Variants in CSMD1 observed in about 807,000 individuals in gnomAD.
The protein encoded by CSMD1 is CUB and sushi domain-containing protein 1.
CSMD1 carries 213 observed loss-of-function variants against 417.5 expected under a neutral mutation model. That is an observed-to-expected ratio of 0.51 (90% CI 0.46 to 0.57). CSMD1 has a LOEUF of 0.57. Ranked by LOEUF, CSMD1 falls within the 20% of genes least tolerant of loss-of-function variation. The pLI is 0.00. For synonymous variants in CSMD1, 2,862 were observed against 1,736.8 expected, an observed-to-expected ratio of 1.65 and a Z score of -16.11; for missense variants, 6,923 against 4,529.7, an observed-to-expected ratio of 1.53 and a Z score of -15.17.
intron 54 of CSMD1, among the ~76,000 whole-genome samples, chr8:2,983,926 A>G (rs1458146006): frequency 1.3e-5 from 2 of 152,214 alleles, no homozygotes; most frequent in African/African-American, 4.8e-5. Context: ...GCTAAATGCT[A>G]TGGGCTAAGC....
At chr8:4,181,659 G>A (rs1236041197) in intron 3 of CSMD1, among the ~76,000 whole-genome samples, 2 of 152,036 alleles carry the variant, frequency 1.3e-5, no homozygotes, top group South Asian at 2.1e-4. Flanking sequence ...AGTTATAGAT[G>A]ATCAGAATAA....
At chr8:3,077,420 A>G (rs144844812) in intron 49 of CSMD1, among the ~76,000 whole-genome samples, 95 of 152,278 alleles carry the variant, frequency 6.2e-4, no homozygotes, top group African/African-American at 2.2e-3. Context: ...CAAAGCACAC[A>G]CTGTCTGCAT....
chr8:4,817,871 T>C (rs4875388), intron 1 of CSMD1, among the ~76,000 whole-genome samples: 37,691 of 152,124 alleles, frequency 0.25, 4,856 homozygotes, highest in East Asian at 0.29. Context: ...AATGATATGA[T>C]AGAGTTTCAG....
intron 2 of CSMD1, among the ~76,000 whole-genome samples, chr8:4,579,198 T>TTGCTCTGAC (rs1296464394): frequency 6.6e-6 from 1 of 151,942 alleles, no homozygotes; most frequent in Non-Finnish European, 1.5e-5. Flanking sequence ...TCAGGTGTGG[T>TTGCTCTGAC]TGCTCTGACG....
At chr8:4,069,830 G>T (rs560299624) in intron 3 of CSMD1, among the ~76,000 whole-genome samples, 3 of 152,084 alleles carry the variant, frequency 2.0e-5, no homozygotes, top group Admixed American at 6.5e-5. Context: ...AAAGAATATC[G>T]AAATGAAGAC....
intron 41 of CSMD1, among the ~76,000 whole-genome samples, chr8:3,141,909 T>C (rs1165744710): frequency 2.0e-5 from 3 of 151,824 alleles, no homozygotes; most frequent in African/African-American, 4.8e-5. Flanking sequence ...GCCACTCTCC[T>C]GCCTCAGCCT....
intron 12 of CSMD1, among the ~76,000 whole-genome samples, chr8:3,416,259 C>T (rs138905356): frequency 1.3e-3 from 176 of 134,406 alleles, no homozygotes; most frequent in Non-Finnish European, 1.8e-3. Flanking sequence ...ACCGGGACTG[C>T]GCAACTGCAC....
intron 23 of CSMD1, among the ~76,000 whole-genome samples, chr8:3,317,001 G>T (rs894335): frequency 1.4e-4 from 21 of 152,008 alleles, no homozygotes; most frequent in African/African-American, 5.1e-4. Context: ...GAGTGTGTGC[G>T]TGGATGAAGC....
intron 3 of CSMD1, among the ~76,000 whole-genome samples, chr8:4,309,015 A>T (rs1798411036): frequency 6.6e-6 from 1 of 152,162 alleles, no homozygotes; most frequent in Non-Finnish European, 1.5e-5. Flanking sequence ...AAAATGCATA[A>T]CAGCAAATGA....
chr8:3,061,846 T>C (rs187026565), intron 49 of CSMD1, among the ~76,000 whole-genome samples: 17 of 152,324 alleles, frequency 1.1e-4, no homozygotes, highest in African/African-American at 3.1e-4. Flanking sequence ...CTATTTTTTT[T>C]ATTACTTGTA....
intron 25 of CSMD1, among the ~76,000 whole-genome samples, chr8:3,295,561 A>G (rs543318443): frequency 1.3e-5 from 2 of 152,114 alleles, no homozygotes; most frequent in Non-Finnish European, 2.9e-5. Flanking sequence ...CTACATTTTA[A>G]TTTTGACACG....
At chr8:4,424,572 G>A (rs80114845) in intron 2 of CSMD1, among the ~76,000 whole-genome samples, 2,233 of 152,138 alleles carry the variant, frequency 0.015, 49 homozygotes, top group African/African-American at 0.05. Flanking sequence ...AGAACGTGGA[G>A]AAAATTGGTT....
chr8:3,282,279 G>T (rs1424736563), intron 26 of CSMD1, among the ~76,000 whole-genome samples: 1 of 152,092 alleles, frequency 6.6e-6, no homozygotes, highest in Non-Finnish European at 1.5e-5. Flanking sequence ...TGGGGATGTT[G>T]ACAGGGAGGA....
chr8:3,770,959 A>T (rs1798536823), intron 5 of CSMD1, among the ~76,000 whole-genome samples: 2 of 152,104 alleles, frequency 1.3e-5, no homozygotes, highest in African/African-American at 4.8e-5. Context: ...AGGTAAGCAG[A>T]AATTGCCCAG....
chr8:3,722,425 C>T (rs972648225), intron 6 of CSMD1, among the ~76,000 whole-genome samples: 1 of 152,196 alleles, frequency 6.6e-6, no homozygotes, highest in Non-Finnish European at 1.5e-5. Context: ...TAATTAAACT[C>T]CTAATCTTAA....
At chr8:4,185,049 G>A (rs868166649) in intron 3 of CSMD1, among the ~76,000 whole-genome samples, 28 of 149,568 alleles carry the variant, frequency 1.9e-4, no homozygotes, top group African/African-American at 5.4e-4. Flanking sequence ...TGAGGCAGGA[G>A]AATGGCTAGA....
chr8:4,612,609 C>T lies in CSMD1; in HGVS notation c.302+24733G>A, dbSNP rs185200342. On this transcript the variant is annotated intron_variant, in intron 2 of 69. Coordinates refer to ENST00000635120, the MANE Select transcript of CSMD1 (RefSeq NM_033225.6). ...TGGACCTGAGCCATGAACCAGAAAC[C>T]ATGAGGACAAGGGTAAGGCCACTCA... Among the ~76,000 whole-genome samples the T allele has an allele frequency of 3.3e-5, 5 of 152,282 alleles. No individual in the cohort carries two copies. In the East Asian group the frequency reaches 9.7e-4, roughly 29 times the overall value.
chr8:4,469,487 G>C (rs1322271661), intron 2 of CSMD1, among the ~76,000 whole-genome samples: 1 of 152,192 alleles, frequency 6.6e-6, no homozygotes, highest in Non-Finnish European at 1.5e-5. Context: ...ATCAAAACAG[G>C]TGAGTAGATT....
chr8:4,047,203 C>G (rs932794782), intron 3 of CSMD1, among the ~76,000 whole-genome samples: 2 of 152,116 alleles, frequency 1.3e-5, no homozygotes, highest in African/African-American at 4.8e-5. Flanking sequence ...TCTGTAGTAA[C>G]TCATGTGTAT....
Sources: gnomAD v4.1 joint callset for allele counts (sites outside exome capture counted in the v4.1 genomes callset) on GRCh38, gnomAD v4.1.1 for gene constraint, MANE v1.5 for transcripts, NCBI Gene and HGNC (gene_info 2026-07-23, HGNC 2026-07-21) for gene names.